The following PCDHA8 variants were observed in gnomAD, a reference collection of about 807,000 sequenced individuals.
PCDHA8 encodes the protein protocadherin alpha 8, also known as protocadherin alpha-8.
In PCDHA8, 53 loss-of-function variants were observed where a neutral mutation model predicts 61.8. That is an observed-to-expected ratio of 0.86 (90% CI 0.69 to 1.08). The LOEUF is 1.08. Among genes scored for constraint, PCDHA8 ranks in the 50% least tolerant of loss-of-function variants. PCDHA8 has a pLI of 0.00. For missense variants in PCDHA8, 1,293 were observed against 1,245.0 expected, an observed-to-expected ratio of 1.04 and a Z score of -0.58; for synonymous variants, 618 against 556.6, an observed-to-expected ratio of 1.11 and a Z score of -1.55.
At chr5:140,854,858 T>C (rs2043245736) in intron 1 of PCDHA8, among the ~76,000 whole-genome samples, 1 of 149,904 alleles carries the variant, frequency 6.7e-6, no homozygotes. Flanking sequence ...AATTACTAGA[T>C]ATATTTCAGA....
In PCDHA8 at chr5:140,997,052, G is replaced by A. The variant is rs1410360967; in HGVS notation, c.2543-12575G>A. On this transcript the variant is annotated intron_variant, in intron 3 of 3. Transcript: ENST00000531613. ...AAATTAATGAACTTTACTTTTTAGAGCAGTTTTAGGTTCACAGGAAAGTTG... is the reference window on the plus strand; with the variant it reads ...AAATTAATGAACTTTACTTTTTAGAACAGTTTTAGGTTCACAGGAAAGTTG... Among the ~76,000 whole-genome samples, 5 of 152,148 alleles carry A rather than the reference G, an allele frequency of 3.3e-5. No homozygotes were observed. The East Asian group carries it at 9.6e-4, about 29-fold the overall frequency.
In PCDHA8 at chr5:140,902,185, T is replaced by TTC. The variant is rs370111655; in HGVS notation, c.2394+58484_2394+58485dup. On this transcript the variant is annotated intron_variant, in intron 1 of 3. Transcript: ENST00000531613. ...TTCTAATTTGGATGTCCTTTATGTC[T>TTC]TCTCTCTCTCTCTCTTTCTTTTTTT... Among the ~76,000 whole-genome samples the TTC allele has an allele frequency of 1.5e-3, 225 of 150,894 alleles. 1 individual carries two copies. The highest frequency in any genetic ancestry group is 2.6e-3 in the Admixed American group (40 of 15,130).
rs1446529645 is a variant in PCDHA8, at chr5:140,923,539, C to CA, written c.2395-55406dup. ...GTGAGATTCTGTCCCAAAAAAAGGA[C>CA]AAAATGAAATATCAGCAATGAAAGG... On this transcript the variant is annotated intron_variant, in intron 1 of 3. Coordinates refer to ENST00000531613, the MANE Select transcript of PCDHA8 (RefSeq NM_018911.3). 3.3e-5 allele frequency among the ~76,000 whole-genome samples: 5 copies of CA among 152,090 alleles called. No individual in the cohort carries two copies. The South Asian group carries it at 8.3e-4, about 25-fold the overall frequency.
At chr5:141,009,476 C>T in intron 3 of PCDHA8, 151 bp from the exon 4 acceptor site, 4 of 1,420,154 alleles carry the variant, frequency 2.8e-6, no homozygotes, top group Non-Finnish European at 2.8e-6. Flanking sequence ...AATAAGTAAA[C>T]ACTTGCCTTG....
At chr5:140,970,271 G>A (rs1395602971) in intron 1 of PCDHA8, among the ~76,000 whole-genome samples, 1 of 152,200 alleles carries the variant, frequency 6.6e-6, no homozygotes, top group Non-Finnish European at 1.5e-5. Context: ...TTGATGAGAT[G>A]TAAAGTAGCC....
chr5:140,856,012 G>T, intron 1 of PCDHA8: 1 of 1,547,012 alleles, frequency 6.5e-7, no homozygotes, highest in Non-Finnish European at 8.8e-7. Context: ...GTTCTAGACC[G>T]CTGATTCGTC....
At chr5:140,978,904 A>G (rs2096828000) in intron 1 of PCDHA8, 45 bp from the exon 2 acceptor site, 2 of 1,613,322 alleles carry the variant, frequency 1.2e-6, no homozygotes, top group Non-Finnish European at 8.5e-7. Flanking sequence ...CTGGGAGAAC[A>G]TTGTCTTGTC....
intron 1 of PCDHA8, chr5:140,849,050 CAA>C: frequency 6.4e-7 from 1 of 1,560,214 alleles, no homozygotes. Context: ...TGCCAACCAG[CAA>C]CCAGCAGGTA....
At chr5:140,851,779 T>A in intron 1 of PCDHA8, 1 of 965,446 alleles carries the variant, frequency 1.0e-6, no homozygotes, top group South Asian at 4.8e-5. Flanking sequence ...TGAATTTAGA[T>A]GAGAATTCAC....
intron 3 of PCDHA8, among the ~76,000 whole-genome samples, chr5:140,990,585 T>C (rs2097401437): frequency 6.6e-6 from 1 of 152,204 alleles, no homozygotes; most frequent in Non-Finnish European, 1.5e-5. Flanking sequence ...TCTTTTCCTA[T>C]AATCACCTGG....
intron 3 of PCDHA8, among the ~76,000 whole-genome samples, chr5:140,998,062 C>A (rs2097795439): frequency 6.6e-6 from 1 of 152,176 alleles, no homozygotes; most frequent in Non-Finnish European, 1.5e-5. Flanking sequence ...TCATCATCAA[C>A]AGACTTAGCC....
rs114918834 is a variant in PCDHA8, at chr5:140,920,894, T to C, written c.2395-58055T>C. 7.8e-3 allele frequency among the ~76,000 whole-genome samples: 1,179 copies of C among 151,482 alleles called. 6 individuals carry two copies. The highest frequency in any genetic ancestry group is 0.019 in the African/African-American group (771 of 41,278). Reference sequence around the variant, plus strand: ...GTGGCCCTTAGAACTTAAAGTCATATTTTGGTTCTCAAATCAGTTCCAAGA... The same window carrying C: ...GTGGCCCTTAGAACTTAAAGTCATACTTTGGTTCTCAAATCAGTTCCAAGA... On this transcript the variant is annotated intron_variant, in intron 1 of 3. Coordinates refer to ENST00000531613, the MANE Select transcript of PCDHA8 (RefSeq NM_018911.3).
intron 1 of PCDHA8, chr5:140,871,242 G>T: frequency 6.2e-7 from 1 of 1,613,980 alleles, no homozygotes; most frequent in South Asian, 1.1e-5. Flanking sequence ...TGGTACTCAC[G>T]CTGCTGCTGT....
intron 1 of PCDHA8, among the ~76,000 whole-genome samples, chr5:140,908,825 G>A (rs1554193511): frequency 1.3e-5 from 2 of 152,252 alleles, no homozygotes; most frequent in South Asian, 2.1e-4. Flanking sequence ...TGGGTTACTC[G>A]ATAAATGGGC....
intron 1 of PCDHA8, among the ~76,000 whole-genome samples, chr5:140,954,191 G>C (rs201162017): frequency 2.0e-5 from 3 of 152,150 alleles, no homozygotes; most frequent in Non-Finnish European, 4.4e-5. Flanking sequence ...TCATTGATGG[G>C]CATTTGGGTT....
At chr5:141,002,559 G>C (rs2098085590) in intron 3 of PCDHA8, among the ~76,000 whole-genome samples, 2 of 152,192 alleles carry the variant, frequency 1.3e-5, no homozygotes. Context: ...GGATCCACCA[G>C]TTAGTGACCA....
At chr5:140,885,313 A>G (rs2060560221) in intron 1 of PCDHA8, among the ~76,000 whole-genome samples, 1 of 152,144 alleles carries the variant, frequency 6.6e-6, no homozygotes, top group East Asian at 1.9e-4. Flanking sequence ...GCTTTTTGTT[A>G]TTATTTCTTT....
At chr5:140,998,940 A>G (rs2097841050) in intron 3 of PCDHA8, among the ~76,000 whole-genome samples, 1 of 152,222 alleles carries the variant, frequency 6.6e-6, no homozygotes, top group African/African-American at 2.4e-5. Context: ...AGATGAAGAA[A>G]CTGTAAGTCA....
intron 1 of PCDHA8, chr5:140,884,339 G>A (rs1178682525): frequency 6.2e-7 from 1 of 1,613,788 alleles, no homozygotes; most frequent in Non-Finnish European, 8.5e-7. Context: ...GGGTCCAGAA[G>A]CGGCGCTGGT....
Sources: allele counts gnomAD v4.1 joint callset (sites outside exome capture counted in the v4.1 genomes callset), GRCh38; gene constraint gnomAD v4.1.1; transcripts MANE v1.5; gene names NCBI Gene and HGNC (gene_info 2026-07-23, HGNC 2026-07-21).